Variants in PTPRG observed in about 807,000 individuals in gnomAD.
PTPRG encodes the protein receptor-type tyrosine-protein phosphatase gamma.
In PTPRG, 102 loss-of-function variants were observed where a neutral mutation model predicts 165.3. The ratio of observed to expected loss-of-function variants is 0.62; its 90% CI spans 0.53 to 0.73. The LOEUF (loss-of-function observed/expected upper bound fraction) is 0.73. Ranked by LOEUF, PTPRG falls within the 30% of genes least tolerant of loss-of-function variation. The probability of loss-of-function intolerance (pLI) is 0.00; values close to 1 mark genes in which losing one functional copy is unlikely to be tolerated. For missense variants in PTPRG, 1,866 were observed against 1,861.4 expected (o/e 1.00, Z -0.05); for synonymous variants, 675 against 669.5 (o/e 1.01, Z -0.13).
intron 1 of PTPRG, among the ~76,000 whole-genome samples, chr3:61,680,068 C>T (rs911996373): frequency 6.6e-6 from 1 of 152,146 alleles, no homozygotes; most frequent in African/African-American, 2.4e-5. Flanking sequence ...AACTGATGAG[C>T]AGAGCAAACC....
intron 4 of PTPRG, among the ~76,000 whole-genome samples, chr3:62,018,617 C>T (rs909490997): frequency 6.6e-6 from 1 of 152,166 alleles, no homozygotes; most frequent in African/African-American, 2.4e-5. Flanking sequence ...AAGGAAAGAG[C>T]AAAATGTAAG....
chr3:62,076,065 C>T (rs1358110017), intron 4 of PTPRG, among the ~76,000 whole-genome samples: 3 of 152,110 alleles, frequency 2.0e-5, no homozygotes, highest in Admixed American at 1.3e-4. Flanking sequence ...TGCTTGAGCT[C>T]AGTTACTCTA....
intron 5 of PTPRG, among the ~76,000 whole-genome samples, chr3:62,119,787 A>ATTTT (rs34842750): frequency 2.4e-3 from 270 of 111,686 alleles, no homozygotes; most frequent in East Asian, 3.2e-3. Context: ...CGCCTGGCTA[A>ATTTT]TTTTTTTTTT....
At chr3:61,720,576 C>T (rs2032005144) in intron 1 of PTPRG, among the ~76,000 whole-genome samples, 1 of 152,178 alleles carries the variant, frequency 6.6e-6, no homozygotes, top group Non-Finnish European at 1.5e-5. Context: ...GAAGGTCTCC[C>T]CATGCTCCCC....
chr3:61,586,030 G>T (rs1700426016), intron 1 of PTPRG, among the ~76,000 whole-genome samples: 2 of 152,224 alleles, frequency 1.3e-5, no homozygotes, highest in African/African-American at 4.8e-5. Context: ...AATTTTTAGT[G>T]AAGCCTCTGG....
intron 4 of PTPRG, among the ~76,000 whole-genome samples, chr3:62,018,730 T>TCAACTCTGTC (rs2041611488): frequency 6.6e-6 from 1 of 152,118 alleles, no homozygotes; most frequent in Admixed American, 6.5e-5. Context: ...GCATAGGAGG[T>TCAACTCTGTC]CAACTCTGAT....
chr3:61,941,747 C>T (rs2039635034), intron 2 of PTPRG, among the ~76,000 whole-genome samples: 2 of 152,102 alleles, frequency 1.3e-5, no homozygotes, highest in African/African-American at 2.4e-5. Flanking sequence ...TCTTTAAAAA[C>T]AGTTTTTTTC....
chr3:61,972,384 A>G (rs1004074524), intron 2 of PTPRG, among the ~76,000 whole-genome samples: 2 of 150,838 alleles, frequency 1.3e-5, no homozygotes, highest in African/African-American at 4.8e-5. Context: ...TTTACTCTGA[A>G]TGATGTAGCA....
intron 1 of PTPRG, among the ~76,000 whole-genome samples, chr3:61,671,231 A>T (rs1232725610): frequency 6.6e-6 from 1 of 150,452 alleles, no homozygotes; most frequent in Non-Finnish European, 1.5e-5. Flanking sequence ...AGGGAAGGTC[A>T]GCAGATAAAC....
chr3:62,272,172 T>G (rs1193565385), intron 21 of PTPRG, among the ~76,000 whole-genome samples: 1 of 152,038 alleles, frequency 6.6e-6, no homozygotes, highest in Non-Finnish European at 1.5e-5. Flanking sequence ...TAAATAAAAA[T>G]ATGACGTTAA....
At chr3:62,247,515 AT>A (rs1701314701) in intron 15 of PTPRG, among the ~76,000 whole-genome samples, 2 of 152,058 alleles carry the variant, frequency 1.3e-5, no homozygotes, top group South Asian at 4.1e-4. Flanking sequence ...GAATTTCATA[AT>A]TCTTGGGTTG....
At chr3:61,777,462 A>G (rs1575655896) in intron 2 of PTPRG, among the ~76,000 whole-genome samples, 2 of 152,182 alleles carry the variant, frequency 1.3e-5, no homozygotes, top group East Asian at 3.8e-4. Flanking sequence ...GTGGCAATAC[A>G]TTTTCTAGGC....
chr3:61,584,125 G>C (rs1700375901), intron 1 of PTPRG, among the ~76,000 whole-genome samples: 1 of 152,190 alleles, frequency 6.6e-6, no homozygotes, highest in South Asian at 2.1e-4. Flanking sequence ...AGCCTCTCTG[G>C]AGGAGACATG....
chr3:61,674,733 A>G (rs572776734), intron 1 of PTPRG, among the ~76,000 whole-genome samples: 1 of 152,284 alleles, frequency 6.6e-6, no homozygotes, highest in South Asian at 2.1e-4. Flanking sequence ...GGTAGCTGGA[A>G]AAGTCCTGGA....
Position 62,195,039 on chromosome 3 carries a change from G to C in PTPRG, c.1219-23G>C. On this transcript the variant is annotated intron_variant, in intron 9 of 29. Transcript: ENST00000474889. This position sits in a 1 kb window ranked among gnomAD's most constrained non-coding sequence, Gnocchi z 4.4. ...CCTTGGCCTTCAAAACTAACTCACT[G>C]CTTTTTCCTTCTTTACTTACAGAAA... 1 of 1,610,056 alleles carries C rather than the reference G, an allele frequency of 6.2e-7. No individual in the cohort carries two copies. The highest frequency in any genetic ancestry group is 8.5e-7 in the Non-Finnish European group (1 of 1,176,314).
intron 2 of PTPRG, among the ~76,000 whole-genome samples, chr3:61,962,388 G>T (rs562250021): frequency 2.6e-5 from 4 of 152,302 alleles, no homozygotes; most frequent in Non-Finnish European, 5.9e-5. Flanking sequence ...TCCTGTAGTT[G>T]CATGGCTTGA....
At chr3:61,920,766 GC>G (rs1201443481) in intron 2 of PTPRG, among the ~76,000 whole-genome samples, 1 of 152,098 alleles carries the variant, frequency 6.6e-6, no homozygotes, top group African/African-American at 2.4e-5. Flanking sequence ...TATTCCTTAT[GC>G]CCCCTGAGAT....
chr3:61,691,337 A>G (rs1240506011), intron 1 of PTPRG, among the ~76,000 whole-genome samples: 1 of 152,200 alleles, frequency 6.6e-6, no homozygotes, highest in African/African-American at 2.4e-5. Flanking sequence ...AGCCCAGGAC[A>G]TAAAGGCTAC....
chr3:61,865,171 A>G (rs188250827), intron 2 of PTPRG, among the ~76,000 whole-genome samples: 5 of 152,226 alleles, frequency 3.3e-5, no homozygotes, highest in Admixed American at 2.0e-4. Context: ...CAGGAGAGAA[A>G]TGCCTTGGAT....
Sources: allele counts gnomAD v4.1 joint callset (sites outside exome capture counted in the v4.1 genomes callset), GRCh38; gene constraint gnomAD v4.1.1; non-coding constraint Gnocchi (gnomAD v3.1); transcripts MANE v1.5; gene names NCBI Gene and HGNC (gene_info 2026-07-23, HGNC 2026-07-21).